Variants in MARK4 observed in about 807,000 individuals in gnomAD.
The protein encoded by MARK4 is MAP/microtubule affinity-regulating kinase 4.
Under a neutral mutation model 81.5 loss-of-function variants are expected in MARK4, and 19 were observed. That is an observed-to-expected ratio of 0.23 (90% CI 0.16 to 0.34). MARK4 has a LOEUF of 0.34. Among genes scored for constraint, MARK4 ranks in the 10% least tolerant of loss-of-function variants. The pLI is 1.00. For synonymous variants in MARK4, 436 were observed against 439.0 expected (o/e 0.99, Z 0.08); for missense variants, 772 against 1,058.8 (o/e 0.73, Z 3.76).
chr19:45,255,390 C>T (rs1056502939), intron 1 of MARK4, among the ~76,000 whole-genome samples: 1 of 151,576 alleles, frequency 6.6e-6, no homozygotes, highest in Admixed American at 6.6e-5. Context: ...GTGAAACCCC[C>T]TCTTTACTAA....
chr19:45,260,098 AAAATT>A (rs1970361794), intron 2 of MARK4, among the ~76,000 whole-genome samples: 1 of 151,648 alleles, frequency 6.6e-6, no homozygotes, highest in South Asian at 2.1e-4. Context: ...AAAAAATAAA[AAAATT>A]AAAAGGCCGT....
Position 45,297,816 on chromosome 19 carries a change from G to T in MARK4, c.1739G>T (p.Gly580Val). 1 of 1,541,770 alleles carries T rather than the reference G, an allele frequency of 6.5e-7. No homozygotes were observed. The highest frequency in any genetic ancestry group is 8.7e-7 in the Non-Finnish European group (1 of 1,143,030). ...HGGQVRDRRA[G>V]GGGGGGVQNG... ...GGCCAGGTCCGGGACCGGCGGGCAG[G>T]GGGTGGGGGTGGTGGGGGTGTGCAG... Residue 580 changes from glycine to valine, a missense_variant, in exon 15 of 17, where the codon GGG becomes GTG. Around this residue, in one of 3 missense-constraint regions of MARK4, gnomAD observed 548 missense variants for 624.3 expected, o/e 0.88. Transcript: ENST00000262891.
chr19:45,270,917 T>C (rs1970518931), intron 7 of MARK4, among the ~76,000 whole-genome samples: 1 of 152,206 alleles, frequency 6.6e-6, no homozygotes, highest in South Asian at 2.1e-4. Context: ...ATTATAGGCA[T>C]GTGCCACCAC....
At chr19:45,281,279 C>G (rs928981273) in intron 12 of MARK4, among the ~76,000 whole-genome samples, 2 of 151,878 alleles carry the variant, frequency 1.3e-5, no homozygotes, top group African/African-American at 4.8e-5. Context: ...GTCTTGAACT[C>G]CTGACCTCGT....
intron 1 of MARK4, among the ~76,000 whole-genome samples, chr19:45,258,565 T>G (rs1970339295): frequency 6.6e-6 from 1 of 152,008 alleles, no homozygotes; most frequent in African/African-American, 2.4e-5. Flanking sequence ...CCAGGCATGA[T>G]GGTGCACGCC....
intron 12 of MARK4, among the ~76,000 whole-genome samples, chr19:45,284,917 C>G (rs1405488769): frequency 6.6e-6 from 1 of 152,008 alleles, no homozygotes; most frequent in Non-Finnish European, 1.5e-5. Context: ...ATGGTGAAAC[C>G]CTGTCTCTAC....
chr19:45,294,569 GTGTATC>G (rs1970862281), intron 14 of MARK4, 117 bp downstream of exon 14: 1 of 860,918 alleles, frequency 1.2e-6, no homozygotes, highest in African/African-American at 1.7e-5. Flanking sequence ...CAGAGAGTGA[GTGTATC>G]TGCCCTGCCC....
chr19:45,286,490 G>A lies in MARK4; in HGVS notation c.1277-957G>A, dbSNP rs1186505224. ...TTTGGGAGGCCAAGGTGGGAGGATC[G>A]CTGGAGTCCAGGAGTTTGAGACCAG... On this transcript the variant is annotated intron_variant, in intron 12 of 16. Transcript: ENST00000262891. Among the ~76,000 whole-genome samples, 4 of 151,686 alleles carry A rather than the reference G, an allele frequency of 2.6e-5. No individual in the cohort carries two copies. In the East Asian group the frequency reaches 5.9e-4, roughly 22 times the overall value.
At chr19:45,267,689 G>GT (rs932147376) in intron 7 of MARK4, among the ~76,000 whole-genome samples, 1 of 152,070 alleles carries the variant, frequency 6.6e-6, no homozygotes, top group Non-Finnish European at 1.5e-5. Flanking sequence ...GTTTTGTTTT[G>GT]TTTTTTTGTT....
chr19:45,284,332 T>A (rs961045126), intron 12 of MARK4, among the ~76,000 whole-genome samples: 1 of 151,320 alleles, frequency 6.6e-6, no homozygotes, highest in Non-Finnish European at 1.5e-5. Flanking sequence ...TTTCTTTTTT[T>A]TTTTTTTGGA....
chr19:45,282,038 A>G (rs1970681876), intron 12 of MARK4, among the ~76,000 whole-genome samples: 1 of 151,952 alleles, frequency 6.6e-6, no homozygotes, highest in Non-Finnish European at 1.5e-5. Flanking sequence ...GGCCTGGCCA[A>G]CATGGTGAAA....
chr19:45,271,451 CCT>C lies in MARK4; in HGVS notation c.550-17_550-16del, dbSNP rs1568494382. Reference sequence around the variant, plus strand: ...TTTGGCCTTGAGTCCCACTTTCCGCCCTCTCCTTCTCTCCCTGCAGGCTGAGA... The same window carrying C: ...TTTGGCCTTGAGTCCCACTTTCCGCCCTCCTTCTCTCCCTGCAGGCTGAGA... On this transcript the variant is annotated intron_variant, in intron 7 of 16. Coordinates refer to ENST00000262891, the MANE Select transcript of MARK4 (RefSeq NM_001199867.2). The surrounding 1 kb of genome is among the most constrained non-coding windows in gnomAD (Gnocchi z 4.1). The C allele has an allele frequency of 6.2e-7, 1 of 1,610,978 alleles. No individual in the cohort carries two copies. The highest frequency in any genetic ancestry group is 2.2e-5 in the East Asian group (1 of 44,844).
intron 1 of MARK4, among the ~76,000 whole-genome samples, chr19:45,252,100 G>C (rs533986339): frequency 2.5e-4 from 38 of 152,058 alleles, no homozygotes; most frequent in Non-Finnish European, 3.8e-4. Context: ...CCTGTCTGGG[G>C]CTGGGTGCCG....
intron 14 of MARK4, among the ~76,000 whole-genome samples, 185 bp from the exon 15 acceptor site, chr19:45,297,491 G>A (rs1043159219): frequency 1.3e-5 from 2 of 152,126 alleles, no homozygotes; most frequent in Non-Finnish European, 2.9e-5. Flanking sequence ...GGAGAGGAGA[G>A]AGTCAGTAAA....
At chr19:45,258,911 C>T in intron 1 of MARK4, 78 bp from the exon 2 acceptor site, 1 of 1,487,934 alleles carries the variant, frequency 6.7e-7, no homozygotes, top group East Asian at 2.3e-5. Flanking sequence ...GGTAGCCAGG[C>T]CTCAAGTTAA....
intron 12 of MARK4, among the ~76,000 whole-genome samples, chr19:45,282,686 A>G (rs1970691647): frequency 6.6e-6 from 1 of 152,062 alleles, no homozygotes; most frequent in Admixed American, 6.6e-5. Context: ...AAAGCCAGGC[A>G]TGGTGGCGGG....
intron 15 of MARK4, among the ~76,000 whole-genome samples, chr19:45,299,499 G>T (rs1037780336): frequency 6.6e-6 from 1 of 152,208 alleles, no homozygotes; most frequent in African/African-American, 2.4e-5. Context: ...GAGTGTGTGT[G>T]TGTGCACACG....
At chr19:45,266,487 G>A (rs968110199) in intron 7 of MARK4, among the ~76,000 whole-genome samples, 1 of 151,932 alleles carries the variant, frequency 6.6e-6, no homozygotes, top group East Asian at 1.9e-4. Context: ...GGGAGCGGAT[G>A]GGGGGGAGGG....
chr19:45,285,762 C>G (rs1970734896), intron 12 of MARK4, among the ~76,000 whole-genome samples: 1 of 152,140 alleles, frequency 6.6e-6, no homozygotes, highest in African/African-American at 2.4e-5. Context: ...TTGTAGAGCT[C>G]TCAGCTTGTG....
Sources: allele counts gnomAD v4.1 joint callset (sites outside exome capture counted in the v4.1 genomes callset), GRCh38; gene constraint gnomAD v4.1.1; regional missense constraint gnomAD v4.1.1; non-coding constraint Gnocchi (gnomAD v3.1); transcripts MANE v1.5; gene names NCBI Gene and HGNC (gene_info 2026-07-23, HGNC 2026-07-21).